ARK2C: variants seen among roughly 807,000 people sequenced by gnomAD.
ARK2C encodes E3 ubiquitin-protein ligase ARK2C.
chr18:46,425,035 G>A, the ARK2C span, among the ~76,000 whole-genome samples: 8 of 152,196 alleles, frequency 5.3e-5, no homozygotes, highest in Non-Finnish European at 7.3e-5. Flanking sequence ...CCCCTCCCTG[G>A]TGCCTTTGGA....
At chr18:46,446,708 A>G in the ARK2C span, among the ~76,000 whole-genome samples, 22 of 151,866 alleles carry the variant, frequency 1.4e-4, no homozygotes, top group East Asian at 4.1e-3. Context: ...AAAGAAAAAA[A>G]AAAAGAAAGG....
At chr18:46,443,604 A>AT in the ARK2C span, among the ~76,000 whole-genome samples, 2 of 152,182 alleles carry the variant, frequency 1.3e-5, no homozygotes, top group Non-Finnish European at 2.9e-5. Context: ...ATAAAGTTTT[A>AT]TTGGAACATA....
the ARK2C span, among the ~76,000 whole-genome samples, chr18:46,344,280 C>T: frequency 6.6e-6 from 1 of 152,266 alleles, no homozygotes; most frequent in South Asian, 2.1e-4. Flanking sequence ...GGGCAGGAAG[C>T]GTTGGAACAG....
the ARK2C span, among the ~76,000 whole-genome samples, chr18:46,405,850 A>G: frequency 6.6e-6 from 1 of 152,184 alleles, no homozygotes; most frequent in African/African-American, 2.4e-5. Context: ...ACTATTTTCT[A>G]GAATCACTGG....
chr18:46,430,899 G>A, the ARK2C span, among the ~76,000 whole-genome samples: 1 of 152,210 alleles, frequency 6.6e-6, no homozygotes, highest in East Asian at 1.9e-4. Context: ...CGAGTTCATT[G>A]TTTAAAAATT....
the ARK2C span, among the ~76,000 whole-genome samples, chr18:46,368,531 T>C: frequency 6.6e-6 from 1 of 152,228 alleles, no homozygotes. Flanking sequence ...CTGGGTTTTG[T>C]TCCCAGCTCC....
chr18:46,456,501 C>T, the ARK2C span: 2 of 1,586,932 alleles, frequency 1.3e-6, no homozygotes, highest in Non-Finnish European at 1.7e-6. Context: ...GCCTCTGACT[C>T]TCCCTCCTCT....
chr18:46,343,740 A>G, the ARK2C span, among the ~76,000 whole-genome samples: 15 of 151,974 alleles, frequency 9.9e-5, no homozygotes, highest in South Asian at 2.1e-4. Context: ...TTGCTTTTTC[A>G]TTGGGAAGAT....
At chr18:46,450,375 C>A in the ARK2C span, 3 of 1,613,474 alleles carry the variant, frequency 1.9e-6, no homozygotes, top group Admixed American at 1.7e-5. Context: ...AGCAGACACA[C>A]CTCCGCCGTA....
At chr18:46,449,747 T>C in the ARK2C span, among the ~76,000 whole-genome samples, 1 of 152,352 alleles carries the variant, frequency 6.6e-6, no homozygotes, top group African/African-American at 2.4e-5. Context: ...CCACCATGGC[T>C]GTAGGTTTCC....
the ARK2C span, among the ~76,000 whole-genome samples, chr18:46,440,017 A>T: frequency 2.0e-5 from 3 of 152,112 alleles, no homozygotes; most frequent in Non-Finnish European, 4.4e-5. Flanking sequence ...TTTAGTAGAG[A>T]CAGGGTTTCA....
chr18:46,444,355 A>G, the ARK2C span, among the ~76,000 whole-genome samples: 1 of 151,982 alleles, frequency 6.6e-6, no homozygotes, highest in African/African-American at 2.4e-5. Context: ...TCTGTCATCT[A>G]CCTTCCATCC....
At chr18:46,405,000 T>C in the ARK2C span, among the ~76,000 whole-genome samples, 83 of 152,274 alleles carry the variant, frequency 5.5e-4, no homozygotes, top group African/African-American at 1.9e-3. Flanking sequence ...TTGTTTCCAC[T>C]GGACCACAGA....
chr18:46,341,321 G>T, the ARK2C span, among the ~76,000 whole-genome samples: 1 of 6,776 alleles, frequency 1.5e-4, no homozygotes. Flanking sequence ...GGTCAGGGAG[G>T]GGGGTGGGAC....
At chr18:46,366,549 C>G in the ARK2C span, among the ~76,000 whole-genome samples, 1 of 152,116 alleles carries the variant, frequency 6.6e-6, no homozygotes, top group Non-Finnish European at 1.5e-5. Flanking sequence ...TTCTTCTGCC[C>G]TTAGTAAATG....
At chr18:46,429,054 A>G in the ARK2C span, among the ~76,000 whole-genome samples, 2 of 152,030 alleles carry the variant, frequency 1.3e-5, no homozygotes, top group Non-Finnish European at 2.9e-5. Context: ...ATGGTAGACC[A>G]TGGAGTGAAG....
At chr18:46,335,847 A>G in the ARK2C span, 2 of 967,354 alleles carry the variant, frequency 2.1e-6, no homozygotes, top group Non-Finnish European at 2.5e-6. Context: ...GAATGATGAC[A>G]TTCTGCATTT....
the ARK2C span, among the ~76,000 whole-genome samples, chr18:46,414,699 C>G: frequency 6.6e-6 from 1 of 152,154 alleles, no homozygotes; most frequent in African/African-American, 2.4e-5. Flanking sequence ...CATGCACATA[C>G]ACACAGCCTT....
the ARK2C span, among the ~76,000 whole-genome samples, chr18:46,389,415 A>T: frequency 2.6e-5 from 4 of 152,340 alleles, no homozygotes; most frequent in Admixed American, 1.3e-4. Flanking sequence ...TAGGAAACAA[A>T]GAGTGTCAGG....
Sources: gnomAD v4.1 joint callset for allele counts (sites outside exome capture counted in the v4.1 genomes callset) on GRCh38, gnomAD v4.1.1 for gene constraint, MANE v1.5 for transcripts, NCBI Gene and HGNC (gene_info 2026-07-23, HGNC 2026-07-21) for gene names.